Variants in ZNF385D observed in about 807,000 individuals in gnomAD.
The protein encoded by ZNF385D is zinc finger protein 385D.
In ZNF385D, 15 loss-of-function variants were observed where a neutral mutation model predicts 35.8. The ratio of observed to expected loss-of-function variants is 0.42; its 90% CI spans 0.28 to 0.64. ZNF385D has a LOEUF of 0.64. ZNF385D is among the 30% of genes least tolerant of loss of function. The pLI, the probability that ZNF385D is intolerant of heterozygous loss-of-function variation, is 0.23. For missense variants in ZNF385D, 474 were observed against 494.6 expected, an observed-to-expected ratio of 0.96 and a Z score of 0.39; for synonymous variants, 212 against 186.8, an observed-to-expected ratio of 1.13 and a Z score of -1.10.
intron 2 of ZNF385D, among the ~76,000 whole-genome samples, chr3:21,566,830 C>T (rs1471107764): frequency 6.6e-6 from 1 of 152,156 alleles, no homozygotes; most frequent in South Asian, 2.1e-4. Context: ...CCCTCTTACC[C>T]CTCTGTGGTC....
At chr3:21,893,682 G>C (rs1043430496) in intron 3 of ZNF385D, among the ~76,000 whole-genome samples, 1 of 152,092 alleles carries the variant, frequency 6.6e-6, no homozygotes, top group Non-Finnish European at 1.5e-5. Flanking sequence ...TCTGAAGGTT[G>C]AAAGTTGCAT....
intron 2 of ZNF385D, among the ~76,000 whole-genome samples, chr3:22,239,983 T>C (rs1449485097): frequency 6.7e-6 from 1 of 149,084 alleles, no homozygotes; most frequent in South Asian, 2.3e-4. Context: ...TCAAAATCAG[T>C]CTGGGCAACA....
intron 2 of ZNF385D, among the ~76,000 whole-genome samples, chr3:22,340,518 C>T (rs1440401691): frequency 6.6e-5 from 10 of 152,026 alleles, no homozygotes; most frequent in Non-Finnish European, 1.0e-4. Context: ...ATGTGGTGCA[C>T]GCCTGTAATC....
chr3:21,987,530 AG>A (rs1409079932), intron 3 of ZNF385D, among the ~76,000 whole-genome samples: 1 of 129,822 alleles, frequency 7.7e-6, no homozygotes, highest in African/African-American at 3.5e-5. Flanking sequence ...GTTTCTGCCG[AG>A]AGATCCACTG....
At position 22,124,984 on chromosome 3, in the gene ZNF385D, T is replaced by C. The variant is rs151066944; in HGVS notation, c.325+43833A>G. On this transcript the variant is annotated intron_variant, in intron 3 of 5. Coordinates refer to the ZNF385D transcript ENST00000494108. Reference sequence around the variant, plus strand: ...TGCTTGTGGGGTATTATTCAAGAAATATTTTCCCAGACCAACATCCTGGAA... The same window carrying C: ...TGCTTGTGGGGTATTATTCAAGAAACATTTTCCCAGACCAACATCCTGGAA... Among the ~76,000 whole-genome samples the C allele has an allele frequency of 1.2e-3, 183 of 152,260 alleles. 1 individual carries two copies. The East Asian group carries it at 0.024, about 20-fold the overall frequency.
At chr3:21,558,484 C>G (rs2062822488) in intron 3 of ZNF385D, among the ~76,000 whole-genome samples, 1 of 152,090 alleles carries the variant, frequency 6.6e-6, no homozygotes, top group Non-Finnish European at 1.5e-5. Flanking sequence ...TTTCTTAATC[C>G]TGACTTCCAA....
chr3:22,141,667 G>GGGAGGAGGA (rs146577130), intron 3 of ZNF385D, among the ~76,000 whole-genome samples: 1 of 151,762 alleles, frequency 6.6e-6, no homozygotes. Context: ...CCGCCCCTGG[G>GGGAGGAGGA]GGAGGAGGAG....
intron 2 of ZNF385D, among the ~76,000 whole-genome samples, chr3:22,222,502 T>G (rs1273758822): frequency 1.3e-5 from 2 of 152,140 alleles, no homozygotes; most frequent in African/African-American, 4.8e-5. Flanking sequence ...AAAAGGATGA[T>G]GACAATAAGA....
At chr3:21,555,232 A>G (rs1433387010) in intron 3 of ZNF385D, among the ~76,000 whole-genome samples, 3 of 143,964 alleles carry the variant, frequency 2.1e-5, no homozygotes, top group African/African-American at 7.7e-5. Flanking sequence ...TTTTTTTTTT[A>G]ATACTTTAAG....
chr3:21,458,084 T>A (rs1702931597), intron 4 of ZNF385D, among the ~76,000 whole-genome samples: 1 of 152,074 alleles, frequency 6.6e-6, no homozygotes, highest in Admixed American at 6.6e-5. Flanking sequence ...AGATTAAAAC[T>A]AGCAATGCAG....
At chr3:22,284,081 C>T (rs778217704) in intron 2 of ZNF385D, among the ~76,000 whole-genome samples, 5 of 152,066 alleles carry the variant, frequency 3.3e-5, no homozygotes, top group Admixed American at 2.6e-4. Context: ...TCATTTTATA[C>T]TTACTTGAGG....
At chr3:22,184,446 G>C (rs1695489596) in intron 2 of ZNF385D, among the ~76,000 whole-genome samples, 1 of 152,092 alleles carries the variant, frequency 6.6e-6, no homozygotes, top group African/African-American at 2.4e-5. Context: ...AATACTGTGT[G>C]TGCTAATGTA....
At chr3:21,856,345 C>T (rs1575785139) in intron 3 of ZNF385D, among the ~76,000 whole-genome samples, 1 of 152,040 alleles carries the variant, frequency 6.6e-6, no homozygotes, top group Non-Finnish European at 1.5e-5. Context: ...TAATGTCATC[C>T]AGTCAATCCC....
chr3:22,272,608 T>A (rs1050447688), intron 2 of ZNF385D, among the ~76,000 whole-genome samples: 1 of 152,020 alleles, frequency 6.6e-6, no homozygotes, highest in Non-Finnish European at 1.5e-5. Context: ...GTGAAGACAT[T>A]ATGTAACACA....
intron 2 of ZNF385D, among the ~76,000 whole-genome samples, chr3:21,628,869 T>C (rs921287370): frequency 1.3e-5 from 2 of 152,106 alleles, no homozygotes; most frequent in Non-Finnish European, 2.9e-5. Flanking sequence ...ACTAAAATAA[T>C]ATATATACAT....
chr3:21,564,694 GAAAAAAGAAATACAA>G lies in ZNF385D; in HGVS notation c.166-25_166-11del, dbSNP rs2063078487. 7 of 1,488,692 alleles carry G rather than the reference GAAAAAAGAAATACAA, an allele frequency of 4.7e-6. No individual in the cohort carries two copies. In the East Asian group the frequency reaches 1.7e-4, roughly 35 times the overall value. 92.2% of individuals were successfully genotyped at this position (1,488,692 alleles called of 1,614,324 possible). On this transcript the variant is annotated splice_polypyrimidine_tract_variant and intron_variant, in intron 2 of 7. Coordinates refer to ENST00000281523, the MANE Select transcript of ZNF385D (RefSeq NM_024697.3). ...TCTGAATCGGGTCCATCTGTAATGA[GAAAAAAGAAATACAA>G]CAAATAGAAATAAAGCTTGTCAGTT...
intron 3 of ZNF385D, among the ~76,000 whole-genome samples, chr3:21,916,227 G>C (rs1201718815): frequency 6.6e-6 from 1 of 152,012 alleles, no homozygotes; most frequent in East Asian, 1.9e-4. Flanking sequence ...GAGAAAATTG[G>C]AATATTCAAA....
chr3:21,940,043 C>A (rs73131366), intron 3 of ZNF385D, among the ~76,000 whole-genome samples: 3 of 152,184 alleles, frequency 2.0e-5, no homozygotes, highest in African/African-American at 7.2e-5. Flanking sequence ...ACATGCCTCA[C>A]TTCTTTCCAG....
chr3:21,794,237 TAAAAG>T (rs751970324), intron 3 of ZNF385D, among the ~76,000 whole-genome samples: 1 of 151,908 alleles, frequency 6.6e-6, no homozygotes, highest in East Asian at 1.9e-4. Flanking sequence ...TCATGAGAAT[TAAAAG>T]AGAAGAAAAG....
Sources: gnomAD v4.1 joint callset for allele counts (sites outside exome capture counted in the v4.1 genomes callset) on GRCh38, gnomAD v4.1.1 for gene constraint, MANE v1.5 for transcripts, NCBI Gene and HGNC (gene_info 2026-07-23, HGNC 2026-07-21) for gene names.